TMCC1: variants seen among roughly 807,000 people sequenced by gnomAD.
TMCC1 encodes transmembrane and coiled-coil domains protein 1.
Under a neutral mutation model 52.4 loss-of-function variants are expected in TMCC1, and 15 were observed. The observed-to-expected ratio is 0.29, with a 90% confidence interval of 0.19 to 0.44. The LOEUF (loss-of-function observed/expected upper bound fraction) is 0.44. Among genes scored for constraint, TMCC1 ranks in the 20% least tolerant of loss-of-function variants. TMCC1 has a pLI of 1.00. For missense variants in TMCC1, 503 were observed against 806.0 expected (o/e 0.62, Z 4.55); for synonymous variants, 279 against 301.9 (o/e 0.92, Z 0.79).
intron 4 of TMCC1, among the ~76,000 whole-genome samples, chr3:129,827,325 C>CA (rs1287818239): frequency 6.6e-6 from 1 of 152,148 alleles, no homozygotes; most frequent in African/African-American, 2.4e-5. Context: ...CTGTGGCATG[C>CA]AAAATGTAAA....
rs928784402 is a variant in TMCC1, at chr3:129,854,387, CAAAAAAAAAAGA to C, written c.-183-21573_-183-21562del. ...TGGGCAACACAGTGAGACTCTGTGT[CAAAAAAAAAAGA>C]AAAAAAAAAAGAAAATCTGACTATG... is the stretch of plus-strand genomic sequence containing the variant. On this transcript the variant is annotated intron_variant, in intron 2 of 6. Coordinates refer to ENST00000393238, the MANE Select transcript of TMCC1 (RefSeq NM_001017395.5). Among the ~76,000 whole-genome samples the C allele has an allele frequency of 6.1e-3, 269 of 44,400 alleles. 4 individuals are homozygous for C. Among genetic ancestry groups the C allele is most frequent in the Non-Finnish European group, 2.9e-3 (66 of 22,578 alleles). The allele number at this position is 44,400 out of a possible 152,430, so 29.1% of individuals were successfully genotyped here. A position where few individuals can be genotyped will look rare whatever the true frequency, so the allele number is the denominator to read the frequency against.
At chr3:129,703,119 C>CA (rs1305798923) in intron 4 of TMCC1, among the ~76,000 whole-genome samples, 1 of 152,208 alleles carries the variant, frequency 6.6e-6, no homozygotes, top group Non-Finnish European at 1.5e-5. Flanking sequence ...AACCCACATA[C>CA]AAAAACCCAC....
At chr3:129,852,757 G>A (rs1013833418) in intron 2 of TMCC1, among the ~76,000 whole-genome samples, 60 of 152,000 alleles carry the variant, frequency 3.9e-4, no homozygotes, top group African/African-American at 1.3e-3. Context: ...ATCATAAACC[G>A]GCTAGCATAA....
chr3:129,700,774 C>CA (rs568879021), intron 4 of TMCC1, among the ~76,000 whole-genome samples: 1,461 of 99,456 alleles, frequency 0.015, 11 homozygotes, highest in Admixed American at 0.042. Context: ...TGCGCCCAGC[C>CA]AAAAAAAAAA....
intron 1 of TMCC1, among the ~76,000 whole-genome samples, chr3:129,886,608 T>C (rs968713689): frequency 6.6e-6 from 1 of 151,902 alleles, no homozygotes; most frequent in Non-Finnish European, 1.5e-5. Flanking sequence ...TGCTACAACA[T>C]GGATGAATAA....
intron 4 of TMCC1, among the ~76,000 whole-genome samples, chr3:129,766,901 G>A (rs2054172033): frequency 6.6e-6 from 1 of 151,912 alleles, no homozygotes; most frequent in South Asian, 2.1e-4. Context: ...TTACAGGTGT[G>A]AGCCACCGTG....
intron 4 of TMCC1, among the ~76,000 whole-genome samples, chr3:129,696,075 T>TA (rs1212804310): frequency 1.3e-5 from 2 of 152,212 alleles, no homozygotes; most frequent in African/African-American, 4.8e-5. Flanking sequence ...AGAATCTCTA[T>TA]TAAACAGCTA....
In TMCC1 at chr3:129,670,833, C is replaced by T; in HGVS notation, c.1008G>A (p.Val336=). 1.2e-6 allele frequency: 2 copies of T among 1,614,186 alleles called. No homozygotes were observed. Among genetic ancestry groups the T allele is most frequent in the African/African-American group, 1.3e-5 (1 of 75,042 alleles). The change falls in exon 5 of 7, where the codon GTG becomes GTA. Residue 336 remains valine (V), a synonymous_variant. Transcript: ENST00000393238. ...CCACCACACCTTCACTGAAGCCAGT[C>T]ACCTTTGCTCCTACATCCTTCAGAC... ...HQGLKDVGAK[V]TGFSEGVVDS...
At chr3:129,884,325 A>G (rs1357395320) in intron 1 of TMCC1, among the ~76,000 whole-genome samples, 1 of 152,154 alleles carries the variant, frequency 6.6e-6, no homozygotes, top group Non-Finnish European at 1.5e-5. Flanking sequence ...ATAAAGAAAA[A>G]AGCAATATCA....
At chr3:129,793,014 C>T (rs948608971) in intron 4 of TMCC1, among the ~76,000 whole-genome samples, 1 of 152,188 alleles carries the variant, frequency 6.6e-6, no homozygotes, top group African/African-American at 2.4e-5. Context: ...TCTCAACTAT[C>T]AGACACTCTT....
intron 4 of TMCC1, among the ~76,000 whole-genome samples, chr3:129,728,961 C>T (rs893772768): frequency 1.2e-4 from 18 of 152,132 alleles, no homozygotes; most frequent in Non-Finnish European, 5.9e-5. Flanking sequence ...TTTATCCATT[C>T]ACCTGTTGAA....
At chr3:129,837,285 C>T (rs190661428) in intron 2 of TMCC1, among the ~76,000 whole-genome samples, 1 of 152,194 alleles carries the variant, frequency 6.6e-6, no homozygotes, top group Non-Finnish European at 1.5e-5. Context: ...CACTAACTGA[C>T]AGGCTTTGAG....
intron 4 of TMCC1, among the ~76,000 whole-genome samples, chr3:129,827,351 G>A (rs1279295077): frequency 6.6e-6 from 1 of 152,206 alleles, no homozygotes; most frequent in East Asian, 1.9e-4. Flanking sequence ...TGCTGCTGAT[G>A]TACTACAAAG....
intron 4 of TMCC1, among the ~76,000 whole-genome samples, chr3:129,726,768 A>G (rs1256327935): frequency 2.7e-5 from 4 of 148,742 alleles, no homozygotes; most frequent in Non-Finnish European, 5.9e-5. Flanking sequence ...AATCTCGGCT[A>G]CTTGGGAGGC....
chr3:129,695,019 C>A (rs1340141203), intron 4 of TMCC1, among the ~76,000 whole-genome samples: 2 of 134,654 alleles, frequency 1.5e-5, no homozygotes. Flanking sequence ...ATCACTTAAG[C>A]CCAGGAGTTG....
intron 4 of TMCC1, among the ~76,000 whole-genome samples, chr3:129,759,099 T>C (rs548054403): frequency 9.2e-5 from 14 of 152,306 alleles, no homozygotes; most frequent in Non-Finnish European, 1.3e-4. Context: ...CTGTCAGCTA[T>C]TGTGATTAGT....
At chr3:129,738,315 CT>C (rs1576637623) in intron 4 of TMCC1, among the ~76,000 whole-genome samples, 2 of 150,780 alleles carry the variant, frequency 1.3e-5, no homozygotes, top group East Asian at 3.9e-4. Flanking sequence ...AGAAAGAGAG[CT>C]TTCAATTTTC....
At chr3:129,773,332 A>G (rs2107707608) in intron 4 of TMCC1, among the ~76,000 whole-genome samples, 1 of 152,322 alleles carries the variant, frequency 6.6e-6, no homozygotes, top group Admixed American at 6.5e-5. Context: ...GGGAAGGCGA[A>G]GGGGGGTAGA....
intron 4 of TMCC1, among the ~76,000 whole-genome samples, chr3:129,709,474 CAAA>C (rs1160022823): frequency 1.9e-4 from 4 of 20,530 alleles, no homozygotes; most frequent in South Asian, 5.4e-3. Flanking sequence ...AGACTTGCCT[CAAA>C]AAAAAAAAAA....
Sources: gnomAD v4.1 joint callset for allele counts (sites outside exome capture counted in the v4.1 genomes callset) on GRCh38, gnomAD v4.1.1 for gene constraint, MANE v1.5 for transcripts, NCBI Gene and HGNC (gene_info 2026-07-23, HGNC 2026-07-21) for gene names.